SUSD1: variants seen among roughly 807,000 people sequenced by gnomAD.
The protein encoded by SUSD1 is sushi domain-containing protein 1.
SUSD1 carries 65 observed loss-of-function variants against 86.9 expected under a neutral mutation model. The ratio of observed to expected loss-of-function variants is 0.75; its 90% CI spans 0.61 to 0.92. The LOEUF (loss-of-function observed/expected upper bound fraction) is 0.92, where lower values mean the gene tolerates loss of function less well. SUSD1 is among the 40% of genes least tolerant of loss of function. The pLI is 0.00. For missense variants in SUSD1, 850 were observed against 929.7 expected, an observed-to-expected ratio of 0.91 and a Z score of 1.11; for synonymous variants, 346 against 350.0, an observed-to-expected ratio of 0.99 and a Z score of 0.13.
At chr9:112,110,722 C>T (rs1226527867) in intron 8 of SUSD1, among the ~76,000 whole-genome samples, 1 of 151,660 alleles carries the variant, frequency 6.6e-6, no homozygotes, top group Non-Finnish European at 1.5e-5. Flanking sequence ...GTCCTCATAC[C>T]CATAACCAGA....
At chr9:112,080,825 C>T (rs570187590) in intron 10 of SUSD1, among the ~76,000 whole-genome samples, 5 of 152,192 alleles carry the variant, frequency 3.3e-5, no homozygotes, top group East Asian at 3.9e-4. Context: ...AAATAAGTGT[C>T]GGTTCGAAAT....
intron 1 of SUSD1, among the ~76,000 whole-genome samples, chr9:112,161,379 CAA>C (rs34987440): frequency 2.2e-5 from 3 of 139,384 alleles, no homozygotes; most frequent in Admixed American, 7.2e-5. Flanking sequence ...GACTTCATCT[CAA>C]AAAAAAAAAA....
At chr9:112,124,871 G>C (rs555618098) in intron 5 of SUSD1, among the ~76,000 whole-genome samples, 1 of 152,188 alleles carries the variant, frequency 6.6e-6, no homozygotes, top group East Asian at 1.9e-4. Flanking sequence ...TATCTCCTAA[G>C]GATTCAACTT....
intron 3 of SUSD1, among the ~76,000 whole-genome samples, chr9:112,146,610 T>G (rs1247272861): frequency 6.6e-6 from 1 of 150,784 alleles, no homozygotes; most frequent in African/African-American, 2.4e-5. Flanking sequence ...TTCTCACTCT[T>G]CCTCCTCCTC....
At chr9:112,127,977 G>GT (rs1050176405) in intron 5 of SUSD1, among the ~76,000 whole-genome samples, 2 of 150,822 alleles carry the variant, frequency 1.3e-5, no homozygotes, top group Admixed American at 6.6e-5. Context: ...TAATTTTTCA[G>GT]TTTTTTGTAG....
intron 1 of SUSD1, among the ~76,000 whole-genome samples, chr9:112,162,862 G>A (rs1833630098): frequency 6.6e-6 from 1 of 152,110 alleles, no homozygotes; most frequent in East Asian, 1.9e-4. Flanking sequence ...AAATCGCTGT[G>A]GCATATGCAC....
chr9:112,065,839 A>G (rs1036108383), intron 12 of SUSD1, among the ~76,000 whole-genome samples: 1 of 152,234 alleles, frequency 6.6e-6, no homozygotes, highest in African/African-American at 2.4e-5. Context: ...TAACAATAAT[A>G]GTTAATGAGT....
At chr9:112,053,342 C>A (rs899257220) in intron 14 of SUSD1, among the ~76,000 whole-genome samples, 5 of 151,512 alleles carry the variant, frequency 3.3e-5, no homozygotes, top group African/African-American at 1.2e-4. Flanking sequence ...TGGTGAAACC[C>A]CATCCCTACT....
chr9:112,112,750 A>G (rs755839194), intron 7 of SUSD1, 21 bp downstream of exon 7: 5 of 1,557,664 alleles, frequency 3.2e-6, no homozygotes, highest in Non-Finnish European at 4.4e-6. Context: ...CTAGCAGGAA[A>G]AAGTAGATCA....
chr9:112,134,177 ACAGAACTACCATTCAATC>A (rs1434459334), intron 5 of SUSD1, among the ~76,000 whole-genome samples: 1 of 152,242 alleles, frequency 6.6e-6, no homozygotes, highest in African/African-American at 2.4e-5. Context: ...AGAGCTTAAA[ACAGAACTACCATTCAATC>A]CAGCAGTCCC....
chr9:112,148,057 G>A (rs771510974), intron 3 of SUSD1, among the ~76,000 whole-genome samples: 4 of 152,214 alleles, frequency 2.6e-5, no homozygotes, highest in Admixed American at 6.5e-5. Context: ...GGATGAATCC[G>A]AGCATAAGAA....
At chr9:112,068,890 A>G (rs1462748723) in intron 12 of SUSD1, among the ~76,000 whole-genome samples, 1 of 152,200 alleles carries the variant, frequency 6.6e-6, no homozygotes. Flanking sequence ...AACCTTGCTC[A>G]GGGGAGAGAC....
intron 6 of SUSD1, among the ~76,000 whole-genome samples, chr9:112,121,439 T>G (rs958047255): frequency 6.6e-6 from 1 of 152,200 alleles, no homozygotes; most frequent in Non-Finnish European, 1.5e-5. Flanking sequence ...TGCATACCTT[T>G]GGGGAAAAGG....
At chr9:112,105,296 G>A (rs369655817) in intron 8 of SUSD1, among the ~76,000 whole-genome samples, 10 of 151,210 alleles carry the variant, frequency 6.6e-5, no homozygotes, top group African/African-American at 1.5e-4. Flanking sequence ...CAGTGTGGAC[G>A]AACAAGCAAT....
At chr9:112,090,164 A>G (rs1200422797) in intron 10 of SUSD1, among the ~76,000 whole-genome samples, 1 of 152,244 alleles carries the variant, frequency 6.6e-6, no homozygotes, top group Admixed American at 6.5e-5. Flanking sequence ...AATAAAGATA[A>G]AGGGAGAAAT....
chr9:112,143,493 G>A lies in SUSD1; in HGVS notation c.504C>T (p.Thr168=), dbSNP rs1038598917. 3.7e-6 allele frequency: 6 copies of A among 1,613,804 alleles called. No homozygotes were observed. The highest frequency in any genetic ancestry group is 5.1e-6 in the Non-Finnish European group (6 of 1,179,880). The part of the protein sequence containing the change: ...PRNGPEPFHP[T]TDATSCTEID... ...CACCTGTGCATGATGTGGCATCGGT[G>A]GTCGGGTGGAAAGGTTCAGGTCCAT... The change falls in exon 4 of 17, where the codon ACC becomes ACT. Residue 168 remains threonine, a synonymous_variant. Coordinates refer to ENST00000374270, the MANE Select transcript of SUSD1 (RefSeq NM_022486.5).
chr9:112,157,092 T>G (rs1392307488), intron 2 of SUSD1, among the ~76,000 whole-genome samples: 1 of 152,212 alleles, frequency 6.6e-6, no homozygotes, highest in East Asian at 1.9e-4. Flanking sequence ...AGCAACAGTA[T>G]TTTACCAATT....
At chr9:112,066,734 A>T (rs1208649852) in intron 12 of SUSD1, among the ~76,000 whole-genome samples, 1 of 151,924 alleles carries the variant, frequency 6.6e-6, no homozygotes, top group African/African-American at 2.4e-5. Context: ...TCTCCTTCCC[A>T]TATGGTTCTT....
At chr9:112,168,174 C>T (rs530816322) in intron 1 of SUSD1, among the ~76,000 whole-genome samples, 1 of 152,296 alleles carries the variant, frequency 6.6e-6, no homozygotes, top group African/African-American at 2.4e-5. Context: ...TAAGCAACCA[C>T]TCAACGACTC....
Sources: allele counts gnomAD v4.1 joint callset (sites outside exome capture counted in the v4.1 genomes callset), GRCh38; gene constraint gnomAD v4.1.1; transcripts MANE v1.5; gene names NCBI Gene and HGNC (gene_info 2026-07-23, HGNC 2026-07-21).